The following HEXD variants were observed in gnomAD, a reference collection of about 807,000 sequenced individuals.
HEXD encodes the protein hexosaminidase D.
Under a neutral mutation model 54.2 loss-of-function variants are expected in HEXD, and 47 were observed. That is an observed-to-expected ratio of 0.87 (90% CI 0.69 to 1.11). The LOEUF (loss-of-function observed/expected upper bound fraction) is 1.11, where lower values mean the gene tolerates loss of function less well. HEXD is among the 50% of genes least tolerant of loss of function. HEXD has a pLI of 0.00. For missense variants in HEXD, 576 were observed against 649.2 expected (o/e 0.89, Z 1.23); for synonymous variants, 293 against 287.6 (o/e 1.02, Z -0.19).
At chr17:82,440,883 G>GGCTCTCCATT in intron 9 of HEXD, 114 bp from the exon 10 acceptor site, 1 of 1,206,290 alleles carries the variant, frequency 8.3e-7, no homozygotes, top group Non-Finnish European at 1.2e-6. Context: ...CCTGGCCAGT[G>GGCTCTCCATT]GCTCTCCATT....
chr17:82,421,483 G>T (rs916297387), intron 2 of HEXD, among the ~76,000 whole-genome samples: 3 of 152,184 alleles, frequency 2.0e-5, no homozygotes, highest in Non-Finnish European at 4.4e-5. Flanking sequence ...AGAGGAGGGG[G>T]CCTTGAGGCT....
intron 8 of HEXD, 34 bp from the exon 9 acceptor site, chr17:82,439,597 G>A: frequency 6.6e-7 from 1 of 1,511,182 alleles, no homozygotes; most frequent in Non-Finnish European, 8.8e-7. Flanking sequence ...CTGGGGGCGG[G>A]CTGCGGAGCT....
At position 82,428,650 on chromosome 17, in the gene HEXD, G is replaced by C. The variant is rs1344194101; in HGVS notation, c.282+5G>C. On this transcript the variant is annotated splice_donor_5th_base_variant and intron_variant, in intron 4 of 12. Coordinates refer to ENST00000327949, the MANE Select transcript of HEXD (RefSeq NM_001330542.2). Reference sequence around the variant, plus strand: ...CAGACATTTGGACACATGGAGGTGAGTGGCAGAAATGGAAGTTACCTGGTG... The same window carrying C: ...CAGACATTTGGACACATGGAGGTGACTGGCAGAAATGGAAGTTACCTGGTG... 6.2e-7 allele frequency: 1 copy of C among 1,612,158 alleles called. No individual in the cohort carries two copies. Among genetic ancestry groups the C allele is most frequent in the Non-Finnish European group, 8.5e-7 (1 of 1,178,386 alleles).
chr17:82,438,216 C>G (rs564960915), intron 8 of HEXD, among the ~76,000 whole-genome samples: 2 of 151,626 alleles, frequency 1.3e-5, no homozygotes, highest in South Asian at 4.2e-4. Flanking sequence ...CCAGCCTGGG[C>G]GACAGAGCAA....
At chr17:82,437,756 GGAAA>G (rs2053814120) in intron 8 of HEXD, among the ~76,000 whole-genome samples, 1 of 152,188 alleles carries the variant, frequency 6.6e-6, no homozygotes, top group Non-Finnish European at 1.5e-5. Context: ...GTCTCACACA[GGAAA>G]GAATTCAAGG....
chr17:82,440,131 C>T, intron 9 of HEXD: 1 of 1,294,078 alleles, frequency 7.7e-7, no homozygotes, highest in South Asian at 1.2e-5. Flanking sequence ...CCTGAGGGAG[C>T]AGCGGGACCC....
rs368300914 is a variant in HEXD at position 82,419,887 on chromosome 17, A to T, written c.84+4A>T. ...AAAGGTCTCGTACCTCTCAGAGGTA[A>T]GGACTCCCTTTTACCTCTAGAGCAT... On this transcript the variant is annotated splice_donor_region_variant and intron_variant, in intron 2 of 12. Coordinates refer to ENST00000327949, the MANE Select transcript of HEXD (RefSeq NM_001330542.2). The T allele has an allele frequency of 1.8e-4, 289 of 1,576,400 alleles. 1 individual carries two copies. The highest frequency in any genetic ancestry group is 1.8e-3 in the South Asian group (160 of 90,148).
intron 11 of HEXD, 32 bp from the exon 12 acceptor site, chr17:82,441,768 C>T: frequency 1.3e-6 from 2 of 1,590,870 alleles, no homozygotes; most frequent in African/African-American, 1.3e-5. Flanking sequence ...CCTTGGTAGC[C>T]CGCGGCACAC....
At chr17:82,441,595 G>A (rs1023335059) in intron 11 of HEXD, among the ~76,000 whole-genome samples, 3 of 151,544 alleles carry the variant, frequency 2.0e-5, no homozygotes, top group Non-Finnish European at 1.5e-5. Context: ...AGGGGGGTAG[G>A]GACAGGTGCT....
In HEXD at chr17:82,442,484, T is replaced by C; in HGVS notation, c.*100T>C. 1.2e-6 allele frequency: 2 copies of C among 1,604,744 alleles called. No homozygotes were observed. Among genetic ancestry groups the C allele is most frequent in the Non-Finnish European group, 8.5e-7 (1 of 1,173,034 alleles). On this transcript the variant is annotated 3_prime_UTR_variant, in exon 13 of 13. Coordinates refer to ENST00000327949, the MANE Select transcript of HEXD (RefSeq NM_001330542.2). The surrounding 1 kb of genome is among the most constrained non-coding windows in gnomAD (Gnocchi z 6.8). ...GGGCCCACGTGGGCGTCGTGCCCTC[T>C]GGCCCAGCAGTGTCTTGCCCACACT...
rs765585278 is a variant in HEXD at position 82,441,040 on chromosome 17, C to T, written c.1026C>T (p.Leu342=). The T allele has an allele frequency of 8.1e-6, 13 of 1,613,516 alleles. No individual in the cohort carries two copies. The highest frequency in any genetic ancestry group is 5.3e-5 in the African/African-American group (4 of 74,938). ...TTAAAGCGAAAGTGGAGAACCTTCT[C>T]GGGATTTCCAGCCTGGAAAAAACGG... ...EDVKAKVENL[L]GISSLEKTDP... Residue 342 remains leucine (L), a synonymous_variant, in exon 10 of 13, where the codon CTC becomes CTT. Coordinates refer to ENST00000327949, the MANE Select transcript of HEXD (RefSeq NM_001330542.2).
At chr17:82,432,635 G>A (rs9904516) in intron 4 of HEXD, among the ~76,000 whole-genome samples, 41,201 of 151,772 alleles carry the variant, frequency 0.27, 6,164 homozygotes, top group East Asian at 0.65. Flanking sequence ...GGAGTGCAGT[G>A]GTGTGATCAT....
At chr17:82,437,938 G>C (rs1426188991) in intron 8 of HEXD, among the ~76,000 whole-genome samples, 1 of 152,164 alleles carries the variant, frequency 6.6e-6, no homozygotes, top group African/African-American at 2.4e-5. Context: ...TAGTGTGACA[G>C]AATTTATTAC....
At chr17:82,433,091 A>ATAT (rs1555617648) in intron 4 of HEXD, among the ~76,000 whole-genome samples, 5 of 13,228 alleles carry the variant, frequency 3.8e-4, no homozygotes, top group African/African-American at 6.0e-4. Context: ...AAAAAAAAAA[A>ATAT]ATATATATAT....
chr17:82,436,010 C>A, intron 6 of HEXD, 138 bp downstream of exon 6: 1 of 829,278 alleles, frequency 1.2e-6, no homozygotes, highest in Non-Finnish European at 1.9e-6. Context: ...CCACCTCCTG[C>A]ATCCCCTTGA....
intron 2 of HEXD, among the ~76,000 whole-genome samples, chr17:82,421,591 C>T (rs2053237715): frequency 6.6e-6 from 1 of 152,072 alleles, no homozygotes; most frequent in Admixed American, 6.6e-5. Context: ...TTTGGGAGGC[C>T]AAGACGGACA....
chr17:82,428,680 G>GTAAC, intron 4 of HEXD, 35 bp downstream of exon 4: 1 of 1,579,592 alleles, frequency 6.3e-7, no homozygotes, highest in Non-Finnish European at 8.7e-7. Flanking sequence ...CTGGTGCCAG[G>GTAAC]TGTGGGGTCC....
At chr17:82,437,442 A>C in intron 8 of HEXD, 79 bp downstream of exon 8, 1 of 1,284,840 alleles carries the variant, frequency 7.8e-7, no homozygotes, top group Non-Finnish European at 1.0e-6. Flanking sequence ...AGCGTCCGCC[A>C]AGGGCCTTCC....
chr17:82,424,270 G>A, intron 2 of HEXD, 124 bp from the exon 3 acceptor site: 1 of 691,342 alleles, frequency 1.4e-6, no homozygotes, highest in South Asian at 1.7e-5. Flanking sequence ...GTTCCCAGGA[G>A]AAATAGAAGT....
Sources: allele counts gnomAD v4.1 joint callset (sites outside exome capture counted in the v4.1 genomes callset), GRCh38; gene constraint gnomAD v4.1.1; non-coding constraint Gnocchi (gnomAD v3.1); transcripts MANE v1.5; gene names NCBI Gene and HGNC (gene_info 2026-07-23, HGNC 2026-07-21).